Variants in NRXN3 observed in about 807,000 individuals in gnomAD.
NRXN3 encodes the protein neurexin 3.
A neutral mutation model predicts 137.6 loss-of-function variants in NRXN3; 32 were observed. That is an observed-to-expected ratio of 0.23 (90% CI 0.18 to 0.31). The LOEUF is 0.31. Among genes scored for constraint, NRXN3 ranks in the 10% least tolerant of loss-of-function variants. The pLI, the probability that NRXN3 is intolerant of heterozygous loss-of-function variation, is 1.00. For synonymous variants in NRXN3, 798 were observed against 784.5 expected (o/e 1.02, Z -0.29); for missense variants, 1,574 against 2,062.5 (o/e 0.76, Z 4.59).
intron 20 of NRXN3, among the ~76,000 whole-genome samples, chr14:79,857,662 A>G (rs2099405691): frequency 6.6e-6 from 1 of 152,220 alleles, no homozygotes; most frequent in Non-Finnish European, 1.5e-5. Context: ...AAAATTAATT[A>G]CACCAACATA....
chr14:79,088,737 T>G (rs953390204), intron 15 of NRXN3, among the ~76,000 whole-genome samples: 1 of 152,322 alleles, frequency 6.6e-6, no homozygotes, highest in East Asian at 1.9e-4. Context: ...TTTGATATTC[T>G]TTAATTTCTT....
intron 19 of NRXN3, among the ~76,000 whole-genome samples, chr14:79,702,160 G>C (rs1351159304): frequency 6.6e-6 from 1 of 151,960 alleles, no homozygotes; most frequent in Non-Finnish European, 1.5e-5. Flanking sequence ...ATGATCTCAG[G>C]AACAGACTTC....
intron 1 of NRXN3, among the ~76,000 whole-genome samples, chr14:78,240,793 T>C (rs564131398): frequency 2.6e-5 from 4 of 152,314 alleles, no homozygotes; most frequent in Non-Finnish European, 5.9e-5. Flanking sequence ...GGTTTGTTTG[T>C]TCATTGGGAA....
intron 15 of NRXN3, among the ~76,000 whole-genome samples, chr14:79,430,754 A>G (rs2095739300): frequency 6.6e-6 from 1 of 152,152 alleles, no homozygotes. Context: ...TGAGTTTTTT[A>G]AAGTTATTGT....
chr14:78,849,774 G>A (rs983704173), intron 10 of NRXN3, among the ~76,000 whole-genome samples: 9 of 152,076 alleles, frequency 5.9e-5, no homozygotes, highest in African/African-American at 2.2e-4. Context: ...CCAACATGTT[G>A]CTCTTCAAAG....
chr14:78,388,689 A>G (rs2090335914), intron 4 of NRXN3, among the ~76,000 whole-genome samples: 1 of 152,176 alleles, frequency 6.6e-6, no homozygotes, highest in African/African-American at 2.4e-5. Context: ...CTAACCCTTT[A>G]TAGAGTTAGC....
chr14:79,017,991 GGCTCATGACT>G (rs1406161825), intron 15 of NRXN3, among the ~76,000 whole-genome samples: 1 of 151,962 alleles, frequency 6.6e-6, no homozygotes, highest in Non-Finnish European at 1.5e-5. Flanking sequence ...CAGGCATGGT[GGCTCATGACT>G]GTAATCCTCG....
chr14:78,222,482 A>T (rs1393163859), intron 1 of NRXN3, among the ~76,000 whole-genome samples: 1 of 152,180 alleles, frequency 6.6e-6, no homozygotes, highest in Non-Finnish European at 1.5e-5. Context: ...TCCCTTCCGG[A>T]CTAACTGAGG....
At chr14:79,796,522 TG>T (rs1484999449) in intron 19 of NRXN3, among the ~76,000 whole-genome samples, 2 of 151,680 alleles carry the variant, frequency 1.3e-5, no homozygotes, top group East Asian at 1.9e-4. Flanking sequence ...ATCTTAAAAG[TG>T]GGGGGAAAAA....
chr14:79,700,327 A>G (rs2098750258), intron 19 of NRXN3, among the ~76,000 whole-genome samples: 1 of 152,046 alleles, frequency 6.6e-6, no homozygotes, highest in South Asian at 2.1e-4. Flanking sequence ...TGAGTGGGGA[A>G]AAAAAGGTAG....
chr14:79,058,305 A>T (rs1022487081), intron 15 of NRXN3, among the ~76,000 whole-genome samples: 1 of 152,102 alleles, frequency 6.6e-6, no homozygotes, highest in African/African-American at 2.4e-5. Context: ...CAGGAAGGGG[A>T]AAAAAGAGGG....
At chr14:78,451,240 T>C (rs2094544751) in intron 4 of NRXN3, among the ~76,000 whole-genome samples, 1 of 152,224 alleles carries the variant, frequency 6.6e-6, no homozygotes, top group South Asian at 2.1e-4. Flanking sequence ...AATTACAACA[T>C]ACGGGACCTT....
At chr14:78,956,884 T>A (rs769000377) in intron 10 of NRXN3, among the ~76,000 whole-genome samples, 5 of 152,266 alleles carry the variant, frequency 3.3e-5, no homozygotes, top group Non-Finnish European at 5.9e-5. Flanking sequence ...AAATTTCCTA[T>A]ATCTTAAAGG....
chr14:78,926,145 A>G (rs2099289590), intron 10 of NRXN3, among the ~76,000 whole-genome samples: 1 of 152,126 alleles, frequency 6.6e-6, no homozygotes. Context: ...CCACCTATTC[A>G]TGAGAGATAC....
At chr14:79,233,788 A>G (rs544196001) in intron 15 of NRXN3, among the ~76,000 whole-genome samples, 1 of 152,076 alleles carries the variant, frequency 6.6e-6, no homozygotes, top group Non-Finnish European at 1.5e-5. Flanking sequence ...TGATGATCCT[A>G]GAAAATTTAA....
chr14:79,848,505 C>G (rs1201476575), intron 20 of NRXN3, among the ~76,000 whole-genome samples: 1 of 151,966 alleles, frequency 6.6e-6, no homozygotes, highest in African/African-American at 2.4e-5. Flanking sequence ...ATGTGTGGCC[C>G]AAGACAATTC....
chr14:79,794,485 C>A (rs2099155167), intron 19 of NRXN3, among the ~76,000 whole-genome samples: 1 of 152,176 alleles, frequency 6.6e-6, no homozygotes, highest in East Asian at 1.9e-4. Context: ...GATACAGAGA[C>A]TTAAGAAAGG....
chr14:78,325,246 C>T (rs891021893), intron 4 of NRXN3, among the ~76,000 whole-genome samples: 7 of 151,900 alleles, frequency 4.6e-5, no homozygotes, highest in Admixed American at 2.6e-4. Context: ...GGTTATGTTT[C>T]GGGGTGTGGG....
intron 15 of NRXN3, among the ~76,000 whole-genome samples, chr14:79,466,304 G>C (rs571237426): frequency 2.0e-5 from 3 of 152,246 alleles, no homozygotes; most frequent in Non-Finnish European, 4.4e-5. Context: ...AGGACTCCTG[G>C]AGGCCAGGTA....
Sources: allele counts gnomAD v4.1 joint callset (sites outside exome capture counted in the v4.1 genomes callset), GRCh38; gene constraint gnomAD v4.1.1; transcripts MANE v1.5; gene names NCBI Gene and HGNC (gene_info 2026-07-23, HGNC 2026-07-21).